Variants in GSDME observed in about 807,000 individuals in gnomAD.
GSDME encodes gasdermin-E.
A neutral mutation model predicts 47.5 loss-of-function variants in GSDME; 44 were observed. That is an observed-to-expected ratio of 0.93 (90% CI 0.73 to 1.19). The LOEUF (loss-of-function observed/expected upper bound fraction) is 1.19, where lower values mean the gene tolerates loss of function less well. Ranked by LOEUF, GSDME falls within the 50% of genes most tolerant of loss-of-function variation. The pLI, the probability that GSDME is intolerant of heterozygous loss-of-function variation, is 0.00. For synonymous variants in GSDME, 258 were observed against 252.8 expected (o/e 1.02, Z -0.20); for missense variants, 663 against 604.2 (o/e 1.10, Z -1.02).
rs967810267 is a variant in GSDME, at chr7:24,732,830, G to C, written c.404+11732C>G. Among the ~76,000 whole-genome samples, 2 of 152,280 alleles carry C rather than the reference G, an allele frequency of 1.3e-5. No individual in the cohort carries two copies. The highest frequency in any genetic ancestry group is 4.1e-4 in the South Asian group (2 of 4,822). On this transcript the variant is annotated intron_variant, in intron 3 of 9. Transcript: ENST00000645220. This position sits in a 1 kb window ranked among gnomAD's most constrained non-coding sequence, Gnocchi z 4.8. ...TTTGGTGTTCTAAATAAACTAGAAA[G>C]GCAGTCTAGGCCACAAGGACTGCAG... is the stretch of plus-strand genomic sequence containing the variant.
At chr7:24,755,552 G>C (rs189526099) in intron 1 of GSDME, among the ~76,000 whole-genome samples, 5 of 152,294 alleles carry the variant, frequency 3.3e-5, no homozygotes, top group Admixed American at 1.3e-4. Context: ...GGTTCCCCAT[G>C]GTGTCCCTCA....
chr7:24,763,973 G>A, the GSDME span, among the ~76,000 whole-genome samples: 19,847 of 152,144 alleles, frequency 0.13, 1,402 homozygotes, highest in Middle Eastern at 0.2. The surrounding 1 kb of genome is among the most constrained non-coding windows in gnomAD (Gnocchi z 4.3). Context: ...TTTTTAAAAC[G>A]AGCCGTTCTT....
At chr7:24,765,471 A>C in the GSDME span, among the ~76,000 whole-genome samples, 1 of 152,252 alleles carries the variant, frequency 6.6e-6, no homozygotes, top group Admixed American at 6.5e-5. Context: ...TGGATGTGTT[A>C]GGTTACAGTT....
rs1584102204 is a variant in GSDME, at chr7:24,744,813, G to A, written c.212-59C>T. On this transcript the variant is annotated intron_variant, in intron 2 of 9. Coordinates refer to ENST00000645220, the MANE Select transcript of GSDME (RefSeq NM_001127453.2). The surrounding 1 kb of genome is among the most constrained non-coding windows in gnomAD (Gnocchi z 4.5). Reference sequence around the variant, plus strand: ...GATGATAAGGCCACCAAGATGTCTTGGGTCATTTAGCTTTCCAAGCCTGTG... The same window carrying A: ...GATGATAAGGCCACCAAGATGTCTTAGGTCATTTAGCTTTCCAAGCCTGTG... 2 of 1,580,542 alleles carry A rather than the reference G, an allele frequency of 1.3e-6. No individual in the cohort carries two copies. The highest frequency in any genetic ancestry group is 4.5e-5 in the East Asian group (2 of 44,558).
At chr7:24,775,307 T>C in the GSDME span, among the ~76,000 whole-genome samples, 90,738 of 152,122 alleles carry the variant, frequency 0.6, 27,974 homozygotes, top group East Asian at 0.81. Context: ...CTATGTCCAG[T>C]ACACTGCTAG....
chr7:24,731,042 T>C (rs1280151514), intron 3 of GSDME, among the ~76,000 whole-genome samples: 1 of 152,082 alleles, frequency 6.6e-6, no homozygotes, highest in Non-Finnish European at 1.5e-5. Context: ...AATTAATAAA[T>C]TGGCAGAATT....
chr7:24,755,542 G>T (rs1467747114), intron 1 of GSDME, among the ~76,000 whole-genome samples: 1 of 152,158 alleles, frequency 6.6e-6, no homozygotes, highest in Non-Finnish European at 1.5e-5. Flanking sequence ...GACATCTCAG[G>T]GTTCCCCATG....
chr7:24,710,254 G>A lies in GSDME; in HGVS notation c.832C>T (p.Gln278Ter). 6.2e-7 allele frequency: 1 copy of A among 1,614,144 alleles called. No homozygotes were observed. Among genetic ancestry groups the A allele is most frequent in the Non-Finnish European group, 8.5e-7 (1 of 1,180,036 alleles). The stretch of plus-strand genomic sequence containing the variant: ...TTTAAAACACTTAATGGTCCATCCT[G>A]GGAAGATATCCCATGCGCAGCATCT... The part of the protein sequence containing the change: ...MPDAAHGISS[Q>*]DGPLSVLKQA... Residue 278 changes from glutamine to a stop codon, truncating the protein, a stop_gained, in exon 6 of 10, where the codon CAG becomes TAG. Transcript: ENST00000645220. LOFTEE classifies it high-confidence loss of function.
At position 24,702,824 on chromosome 7, in the gene GSDME, T is replaced by C. The variant is rs374755413; in HGVS notation, c.1193A>G (p.Asp398Gly). The C allele has an allele frequency of 6.2e-7, 1 of 1,613,034 alleles. No homozygotes were observed. The highest frequency in any genetic ancestry group is 1.1e-5 in the South Asian group (1 of 91,008). ...AGTGCCCAGCAGAGCTGCTGCGCTATCTGGCATTTCTGCAGGAGAGAAAAA... is the reference window on the plus strand; with the variant it reads ...AGTGCCCAGCAGAGCTGCTGCGCTACCTGGCATTTCTGCAGGAGAGAAAAA... The part of the protein sequence containing the change: ...FLVSALAEMP[D>G]SAAALLGTCC... Residue 398 changes from aspartate (D) to glycine (G), a missense_variant, in exon 9 of 10, where the codon GAT (aspartate) becomes GGT (glycine). Asp to Gly is a moderately conservative substitution (Grantham distance 94). Coordinates refer to ENST00000645220, the MANE Select transcript of GSDME (RefSeq NM_001127453.2).
chr7:24,734,086 G>A (rs532090903), intron 3 of GSDME, among the ~76,000 whole-genome samples: 1 of 152,190 alleles, frequency 6.6e-6, no homozygotes, highest in Non-Finnish European at 1.5e-5. Flanking sequence ...AGCATAGAGA[G>A]AGACTCTGTT....
the GSDME span, among the ~76,000 whole-genome samples, chr7:24,772,067 G>A: frequency 6.6e-6 from 1 of 152,266 alleles, no homozygotes; most frequent in Non-Finnish European, 1.5e-5. The surrounding 1 kb of genome is among the most constrained non-coding windows in gnomAD (Gnocchi z 4.5). Flanking sequence ...GGTATCCCAC[G>A]CCTGGGATGG....
intron 1 of GSDME, among the ~76,000 whole-genome samples, chr7:24,753,828 T>A (rs994357663): frequency 6.6e-6 from 1 of 152,238 alleles, no homozygotes; most frequent in African/African-American, 2.4e-5. Flanking sequence ...CCAGGAATGT[T>A]TGATATAATA....
Position 24,708,113 on chromosome 7 carries a change from G to GTC in GSDME, c.990+12_990+13dup. 20 of 1,614,002 alleles carry GTC rather than the reference G, an allele frequency of 1.2e-5. No homozygotes were observed. Among genetic ancestry groups the GTC allele is most frequent in the Non-Finnish European group, 1.7e-5 (20 of 1,179,926 alleles). On this transcript the variant is annotated intron_variant, in intron 7 of 9. Transcript: ENST00000645220. ...CCCAGTGAAAACACTGCCTTGAGAT[G>GTC]TCTCAGGGCTCACCACTGGTTCCAG...
Position 24,745,255 on chromosome 7 carries a change from CAGAG to C in GSDME, c.212-505_212-502del, listed in dbSNP as rs1022353175. On this transcript the variant is annotated intron_variant, in intron 2 of 9. Coordinates refer to ENST00000645220, the MANE Select transcript of GSDME (RefSeq NM_001127453.2). This position sits in a 1 kb window ranked among gnomAD's most constrained non-coding sequence, Gnocchi z 4.4. ...GGACTAGACAAAGAAGACAACTAAA[CAGAG>C]AGAGAACAGCAGCCCCTATTCTGGA... Among the ~76,000 whole-genome samples the C allele has an allele frequency of 6.6e-6, 1 of 152,128 alleles. No homozygotes were observed. Among genetic ancestry groups the C allele is most frequent in the East Asian group, 1.9e-4 (1 of 5,192 alleles).
chr7:24,708,087 C>T (rs1219563582), intron 7 of GSDME, 40 bp downstream of exon 7: 27 of 1,611,904 alleles, frequency 1.7e-5, no homozygotes, highest in Non-Finnish European at 2.2e-5. Context: ...TTCCAGAAAA[C>T]CCCAGTGAAA....
rs770300688 is a variant in GSDME, at chr7:24,719,073, C to T, written c.550G>A (p.Val184Met). ...TGCACCGTCTTGGTCTGGATGCCCA[C>T]GATGCCACCACACTTCTCCTCGACC... ...MQVEEKCGGI[V>M]GIQTKTVQVS... Residue 184 changes from valine (V) to methionine (M), a missense_variant, in exon 4 of 10, where the codon GTG becomes ATG. Physicochemically the swap from Val to Met is conservative, Grantham distance 21. Transcript: ENST00000645220. The T allele has an allele frequency of 7.4e-6, 12 of 1,612,962 alleles. No individual in the cohort carries two copies. Among genetic ancestry groups the T allele is most frequent in the East Asian group, 4.5e-5 (2 of 44,882 alleles).
intron 2 of GSDME, among the ~76,000 whole-genome samples, chr7:24,747,373 C>T (rs961470722): frequency 2.6e-5 from 4 of 152,168 alleles, no homozygotes; most frequent in Non-Finnish European, 5.9e-5. Context: ...TATCTGTAAA[C>T]TCAAATTATC....
the GSDME span, among the ~76,000 whole-genome samples, chr7:24,765,269 C>T: frequency 5.9e-5 from 9 of 152,170 alleles, no homozygotes; most frequent in African/African-American, 1.7e-4. Flanking sequence ...AATGTCGATA[C>T]GGATCCTTTC....
chr7:24,717,493 C>A, intron 4 of GSDME, 119 bp from the exon 5 acceptor site: 1 of 1,491,486 alleles, frequency 6.7e-7, no homozygotes, highest in Admixed American at 1.9e-5. Context: ...TCCACAGAAC[C>A]GAGTGGAACA....
Sources: gnomAD v4.1 joint callset for allele counts (sites outside exome capture counted in the v4.1 genomes callset) on GRCh38, gnomAD v4.1.1 for gene constraint, Gnocchi (gnomAD v3.1) non-coding constraint, MANE v1.5 for transcripts, NCBI Gene and HGNC (gene_info 2026-07-23, HGNC 2026-07-21) for gene names.